The following BTG4 variants were observed in gnomAD, a reference collection of about 807,000 sequenced individuals.
BTG4 encodes BTG anti-proliferation factor 4, also known as protein BTG4.
In BTG4, 10 loss-of-function variants were observed where a neutral mutation model predicts 19.3. The ratio of observed to expected loss-of-function variants is 0.52; its 90% CI spans 0.32 to 0.88. BTG4 has a LOEUF of 0.88. BTG4 is among the 40% of genes least tolerant of loss of function. BTG4 has a pLI of 0.04. For missense variants in BTG4, 238 were observed against 281.9 expected (o/e 0.84, Z 1.11); for synonymous variants, 91 against 95.7 (o/e 0.95, Z 0.29).
intron 5 of BTG4, among the ~76,000 whole-genome samples, chr11:111,477,732 A>C (rs1282070819): frequency 6.6e-6 from 1 of 152,160 alleles, no homozygotes; most frequent in East Asian, 1.9e-4. Flanking sequence ...AGCAACCCAT[A>C]AATACCAATG....
chr11:111,510,437 G>C (rs1038200682), intron 1 of BTG4, among the ~76,000 whole-genome samples: 3 of 152,040 alleles, frequency 2.0e-5, no homozygotes, highest in African/African-American at 7.2e-5. Flanking sequence ...CCCCTGAAAG[G>C]TGCCTTCCTT....
the BTG4 span, among the ~76,000 whole-genome samples, chr11:111,431,186 T>C: frequency 2.6e-5 from 4 of 152,246 alleles, no homozygotes; most frequent in Admixed American, 2.0e-4. Context: ...GAGAGGTGAA[T>C]TGAAGGATGG....
intron 1 of BTG4, among the ~76,000 whole-genome samples, chr11:111,502,330 T>TC (rs1242363978): frequency 1.3e-5 from 2 of 152,092 alleles, no homozygotes; most frequent in African/African-American, 4.8e-5. Context: ...TTTTAAAAGT[T>TC]CCCCAAGCGA....
the BTG4 span, among the ~76,000 whole-genome samples, chr11:111,411,251 C>T: frequency 6.6e-6 from 1 of 152,264 alleles, no homozygotes; most frequent in African/African-American, 2.4e-5. Flanking sequence ...TTCTACTCTC[C>T]TCCTGTTCAT....
At chr11:111,418,141 T>C in the BTG4 span, 3 of 152,180 alleles carry the variant, frequency 2.0e-5, no homozygotes, top group African/African-American at 4.8e-5. Context: ...ATTTTGCATA[T>C]CATAAAACCC....
the BTG4 span, among the ~76,000 whole-genome samples, chr11:111,448,254 G>C: frequency 6.6e-6 from 1 of 152,190 alleles, no homozygotes; most frequent in African/African-American, 2.4e-5. Flanking sequence ...TAGTTGAGGA[G>C]TGGGGAACAG....
the BTG4 span, chr11:111,384,946 A>G: frequency 1.3e-5 from 2 of 152,160 alleles, no homozygotes; most frequent in African/African-American, 4.8e-5. Flanking sequence ...TCGTTTTCTA[A>G]GGAGAAAATA....
intron 5 of BTG4, among the ~76,000 whole-genome samples, chr11:111,478,594 CA>C (rs1344064852): frequency 1.3e-5 from 2 of 152,050 alleles, no homozygotes; most frequent in African/African-American, 4.8e-5. Context: ...AGTGCTTCAA[CA>C]AGCGATTATG....
At chr11:111,400,568 T>C in the BTG4 span, among the ~76,000 whole-genome samples, 1 of 152,308 alleles carries the variant, frequency 6.6e-6, no homozygotes, top group East Asian at 1.9e-4. Flanking sequence ...TCTTAAGCCC[T>C]TATTCCCAAA....
At chr11:111,509,839 G>A (rs961046941) in intron 1 of BTG4, among the ~76,000 whole-genome samples, 25 of 150,486 alleles carry the variant, frequency 1.7e-4, no homozygotes, top group African/African-American at 6.1e-4. Context: ...GAGATGGTGA[G>A]TTTGTATGTA....
At chr11:111,486,524 A>G (rs984753691) in intron 5 of BTG4, among the ~76,000 whole-genome samples, 1 of 152,222 alleles carries the variant, frequency 6.6e-6, no homozygotes, top group Admixed American at 6.5e-5. Context: ...TAATACTTCC[A>G]AACCCATACT....
At chr11:111,404,074 A>C in the BTG4 span, among the ~76,000 whole-genome samples, 1 of 152,162 alleles carries the variant, frequency 6.6e-6, no homozygotes, top group Non-Finnish European at 1.5e-5. Flanking sequence ...TCATGGGAGC[A>C]GGTCTTTCCT....
the BTG4 span, chr11:111,397,097 C>T: frequency 1.3e-5 from 2 of 152,158 alleles, no homozygotes; most frequent in Admixed American, 6.5e-5. Flanking sequence ...TTTCTTAGTT[C>T]GTTTCCTATT....
chr11:111,468,171 G>A (rs1289857803), intron 5 of BTG4, among the ~76,000 whole-genome samples: 1 of 152,112 alleles, frequency 6.6e-6, no homozygotes, highest in African/African-American at 2.4e-5. Context: ...GGTTGTTGGG[G>A]GGTTTAATAA....
At chr11:111,428,677 G>A in the BTG4 span, among the ~76,000 whole-genome samples, 1 of 152,182 alleles carries the variant, frequency 6.6e-6, no homozygotes, top group Admixed American at 6.5e-5. Context: ...TCTACGCAGA[G>A]TTACTCAGCC....
At chr11:111,412,083 G>A in the BTG4 span, among the ~76,000 whole-genome samples, 1 of 152,166 alleles carries the variant, frequency 6.6e-6, no homozygotes, top group African/African-American at 2.4e-5. Context: ...AAATTAATTG[G>A]ACCAGAAATG....
At chr11:111,394,982 C>T in the BTG4 span, among the ~76,000 whole-genome samples, 4 of 152,198 alleles carry the variant, frequency 2.6e-5, no homozygotes, top group Non-Finnish European at 4.4e-5. Context: ...TTTATTAGAA[C>T]GTATTCCCTC....
At chr11:111,483,562 A>C (rs769441971) in intron 5 of BTG4, among the ~76,000 whole-genome samples, 5 of 152,192 alleles carry the variant, frequency 3.3e-5, no homozygotes, top group Non-Finnish European at 5.9e-5. Context: ...TCAAGCAAAA[A>C]TTCTGGAGCT....
At chr11:111,397,276 T>G in the BTG4 span, among the ~76,000 whole-genome samples, 1 of 152,198 alleles carries the variant, frequency 6.6e-6, no homozygotes, top group Non-Finnish European at 1.5e-5. Flanking sequence ...CAATTGCCCT[T>G]CCAATTGCCC....
Sources: allele counts gnomAD v4.1 joint callset (sites outside exome capture counted in the v4.1 genomes callset), GRCh38; gene constraint gnomAD v4.1.1; transcripts MANE v1.5; gene names NCBI Gene and HGNC (gene_info 2026-07-23, HGNC 2026-07-21).